The following ADAMTSL1 variants were observed in gnomAD, a reference collection of about 807,000 sequenced individuals.
ADAMTSL1 encodes the protein ADAMTS like 1, also known as ADAMTS-like protein 1.
Under a neutral mutation model 201.8 loss-of-function variants are expected in ADAMTSL1, and 126 were observed. The observed-to-expected ratio is 0.62, with a 90% CI of 0.54 to 0.72. The LOEUF (loss-of-function observed/expected upper bound fraction) is 0.72, where lower values mean the gene tolerates loss of function less well. Among genes scored for constraint, ADAMTSL1 ranks in the 30% least tolerant of loss-of-function variants. ADAMTSL1 has a pLI of 0.00. For missense variants in ADAMTSL1, 2,679 were observed against 2,277.8 expected (o/e 1.18, Z -3.59); for synonymous variants, 1,121 against 903.4 (o/e 1.24, Z -4.32).
At chr9:18,686,615 A>G (rs1183302742) in intron 13 of ADAMTSL1, among the ~76,000 whole-genome samples, 1 of 152,152 alleles carries the variant, frequency 6.6e-6, no homozygotes, top group African/African-American at 2.4e-5. Context: ...GTTATGTTTT[A>G]TTTTACCTAA....
At chr9:18,750,750 T>G (rs1015862736) in intron 15 of ADAMTSL1, among the ~76,000 whole-genome samples, 3 of 152,214 alleles carry the variant, frequency 2.0e-5, no homozygotes, top group Admixed American at 2.0e-4. Context: ...GGAGGCAGCT[T>G]GGACAGGCAG....
At position 18,424,652 on chromosome 9, in the gene ADAMTSL1, A is replaced by T. The variant is rs1422432596; in HGVS notation, c.208-80177A>T. Among the ~76,000 whole-genome samples the T allele has an allele frequency of 3.3e-5, 5 of 152,204 alleles. No individual in the cohort carries two copies. In the East Asian group the frequency reaches 9.6e-4, roughly 29 times the overall value. On this transcript the variant is annotated intron_variant, in intron 2 of 29. Transcript: ENST00000680146. ...CCATATTGTCCTGTTTATTAGAAAG[A>T]ATGAAGATTATTTATTCACTCACAG...
At position 18,828,661 on chromosome 9, in the gene ADAMTSL1, TATATATATA is replaced by T. The variant is rs1294172679; in HGVS notation, c.4115-1181_4115-1173del. 2.0e-4 allele frequency among the ~76,000 whole-genome samples: 12 copies of T among 60,408 alleles called. 4 individuals carry two copies. The highest frequency in any genetic ancestry group is 1.5e-3 in the South Asian group (2 of 1,322). The allele number at this position is 60,408 out of a possible 152,430, so 39.6% of individuals were successfully genotyped here. ...AAAAGGATTCTTTTGAAAGTATATT[TATATATATA>T]TATATATATATATATATATATATAA... On this transcript the variant is annotated intron_variant, in intron 22 of 28. Transcript: ENST00000380548.
intron 3 of ADAMTSL1, among the ~76,000 whole-genome samples, chr9:18,572,285 T>A (rs777871283): frequency 6.6e-6 from 1 of 152,212 alleles, no homozygotes; most frequent in Non-Finnish European, 1.5e-5. Flanking sequence ...TTTTGCTGGT[T>A]GTAGGTAGTT....
chr9:18,786,618 A>C (rs561066088), intron 19 of ADAMTSL1, among the ~76,000 whole-genome samples: 85 of 152,346 alleles, frequency 5.6e-4, no homozygotes, highest in South Asian at 1.5e-3. Flanking sequence ...ATTGTCATTT[A>C]GACATGGGGC....
chr9:18,526,292 T>C (rs1213642543), intron 2 of ADAMTSL1, among the ~76,000 whole-genome samples: 1 of 152,248 alleles, frequency 6.6e-6, no homozygotes, highest in South Asian at 2.1e-4. Context: ...ATTTGCCGCG[T>C]AGATCTTCCT....
intron 1 of ADAMTSL1, among the ~76,000 whole-genome samples, chr9:17,909,987 G>GAA (rs113039631): frequency 0.023 from 1,233 of 52,480 alleles, 257 homozygotes; most frequent in African/African-American, 0.042. Context: ...ATAATTAAAA[G>GAA]AAAAAAAAAA....
chr9:18,794,092 G>A (rs1419418066), intron 19 of ADAMTSL1, among the ~76,000 whole-genome samples: 2 of 151,888 alleles, frequency 1.3e-5, no homozygotes, highest in East Asian at 3.9e-4. Flanking sequence ...ACCTTGAAGG[G>A]CAAGTTTTGA....
intron 1 of ADAMTSL1, among the ~76,000 whole-genome samples, chr9:17,959,617 C>A (rs927645878): frequency 3.3e-5 from 5 of 152,152 alleles, no homozygotes; most frequent in African/African-American, 1.2e-4. Context: ...TGCCACCATG[C>A]CTGGCTAATT....
intron 23 of ADAMTSL1, among the ~76,000 whole-genome samples, chr9:18,873,863 T>C (rs1563877495): frequency 6.6e-6 from 1 of 152,122 alleles, no homozygotes; most frequent in South Asian, 2.1e-4. Flanking sequence ...GGGAATTGCA[T>C]TGAGTTTTTA....
chr9:18,434,220 G>A (rs1022171255), intron 2 of ADAMTSL1, among the ~76,000 whole-genome samples: 1 of 152,064 alleles, frequency 6.6e-6, no homozygotes. Flanking sequence ...AGAATTCAGG[G>A]TCATAAAAGC....
intron 1 of ADAMTSL1, among the ~76,000 whole-genome samples, chr9:18,038,681 T>C (rs1821307995): frequency 6.6e-6 from 1 of 152,216 alleles, no homozygotes; most frequent in South Asian, 2.1e-4. Flanking sequence ...CAGGTTTAGA[T>C]TTGAATCCCA....
Position 18,680,434 on chromosome 9 carries a change from G to T in ADAMTSL1, c.1259G>T (p.Cys420Phe), listed in dbSNP as rs1032056977. 6.2e-7 allele frequency: 1 copy of T among 1,614,180 alleles called. No individual in the cohort carries two copies. The highest frequency in any genetic ancestry group is 8.5e-7 in the Non-Finnish European group (1 of 1,180,032). ...GTCACTTCAGTGGAAGAGTGGAAAT[G>T]CATGTACACCCCTAAGATGCCCATC... ...GHVTSVEEWK[C>F]MYTPKMPIAQ... The change falls in exon 11 of 29, where the codon TGC becomes TTC. Residue 420 changes from cysteine (C) to phenylalanine (F), a missense_variant. Coordinates refer to ENST00000380548, the MANE Select transcript of ADAMTSL1 (RefSeq NM_001040272.6).
At chr9:17,937,391 C>T (rs1188814920) in intron 1 of ADAMTSL1, among the ~76,000 whole-genome samples, 1 of 151,956 alleles carries the variant, frequency 6.6e-6, no homozygotes, top group African/African-American at 2.4e-5. Flanking sequence ...CTTCACTGCA[C>T]ACGTTCTCTC....
chr9:18,733,137 C>G (rs1335345682), intron 15 of ADAMTSL1, among the ~76,000 whole-genome samples: 1 of 152,196 alleles, frequency 6.6e-6, no homozygotes, highest in Non-Finnish European at 1.5e-5. Context: ...GTCTCTCACA[C>G]TGTCCTGGGT....
At chr9:18,490,606 G>C (rs1157178623) in intron 1 of ADAMTSL1, among the ~76,000 whole-genome samples, 8 of 152,126 alleles carry the variant, frequency 5.3e-5, no homozygotes, top group Admixed American at 5.2e-4. Flanking sequence ...GAGGAAAGTG[G>C]ATAAGATCAA....
rs188023316 is a variant in ADAMTSL1, at chr9:17,920,798, T to G, written c.87+13876T>G. Reference sequence around the variant, plus strand: ...GGTCTTTGTCCTAACTTCTCAACTCTGCCTTTATAGCATGAAAGAAGCCTA... The same window carrying G: ...GGTCTTTGTCCTAACTTCTCAACTCGGCCTTTATAGCATGAAAGAAGCCTA... On this transcript the variant is annotated intron_variant, in intron 1 of 29. Coordinates refer to the ADAMTSL1 transcript ENST00000680146. Among the ~76,000 whole-genome samples, 119 of 152,336 alleles carry G rather than the reference T, an allele frequency of 7.8e-4. 1 individual carries two copies. Among genetic ancestry groups the G allele is most frequent in the African/African-American group, 2.7e-3 (112 of 41,590 alleles).
chr9:17,991,518 T>C (rs554854664), intron 1 of ADAMTSL1, among the ~76,000 whole-genome samples: 93 of 152,206 alleles, frequency 6.1e-4, no homozygotes, highest in African/African-American at 2.2e-3. Flanking sequence ...TTGCTCAGAC[T>C]CAGAAAAGGC....
At chr9:18,245,788 T>G (rs1201546187) in intron 2 of ADAMTSL1, among the ~76,000 whole-genome samples, 1 of 151,976 alleles carries the variant, frequency 6.6e-6, no homozygotes, top group Non-Finnish European at 1.5e-5. Flanking sequence ...GCATCTTGAG[T>G]AGCAACACAA....
Sources: allele counts gnomAD v4.1 joint callset (sites outside exome capture counted in the v4.1 genomes callset), GRCh38; gene constraint gnomAD v4.1.1; transcripts MANE v1.5; gene names NCBI Gene and HGNC (gene_info 2026-07-23, HGNC 2026-07-21).